Variants in FARS2 observed in about 807,000 individuals in gnomAD.
FARS2 encodes phenylalanine--tRNA ligase, mitochondrial.
A neutral mutation model predicts 46.4 loss-of-function variants in FARS2; 40 were observed. The ratio of observed to expected loss-of-function variants is 0.86; its 90% CI spans 0.67 to 1.12. The LOEUF (loss-of-function observed/expected upper bound fraction) is 1.12. FARS2 is among the 50% of genes most tolerant of loss of function. The probability of loss-of-function intolerance (pLI) is 0.00; values close to 1 mark genes in which losing one functional copy is unlikely to be tolerated. For missense variants in FARS2, 513 were observed against 567.9 expected, an observed-to-expected ratio of 0.90 and a Z score of 0.98; for synonymous variants, 234 against 214.9, an observed-to-expected ratio of 1.09 and a Z score of -0.78.
chr6:5,491,630 T>C (rs1415409416), intron 4 of FARS2, among the ~76,000 whole-genome samples: 1 of 152,214 alleles, frequency 6.6e-6, no homozygotes, highest in Non-Finnish European at 1.5e-5. Context: ...CCGAAAGATA[T>C]GAGCGTTTCT....
chr6:5,438,876 T>G (rs1763683136), intron 4 of FARS2, among the ~76,000 whole-genome samples: 2 of 152,216 alleles, frequency 1.3e-5, no homozygotes, highest in Non-Finnish European at 2.9e-5. Context: ...TGAACCTGCA[T>G]CTGATAGTTC....
chr6:5,328,527 A>G (rs1408596852), intron 1 of FARS2, among the ~76,000 whole-genome samples: 1 of 152,232 alleles, frequency 6.6e-6, no homozygotes, highest in Non-Finnish European at 1.5e-5. Flanking sequence ...CTGAGCTCCC[A>G]TATGATGGGG....
chr6:5,440,745 G>C (rs1320503442), intron 4 of FARS2, among the ~76,000 whole-genome samples: 1 of 151,686 alleles, frequency 6.6e-6, no homozygotes, highest in Non-Finnish European at 1.5e-5. Flanking sequence ...GGCTGGACTT[G>C]AGCTCCTGGC....
At chr6:5,678,093 G>A (rs566741498) in intron 6 of FARS2, among the ~76,000 whole-genome samples, 326 of 152,264 alleles carry the variant, frequency 2.1e-3, no homozygotes, top group Non-Finnish European at 3.6e-3. Flanking sequence ...GGAAGCAGTC[G>A]TAGAAAGGGG....
At chr6:5,596,100 G>A (rs1313303277) in intron 5 of FARS2, among the ~76,000 whole-genome samples, 1 of 152,166 alleles carries the variant, frequency 6.6e-6, no homozygotes, top group African/African-American at 2.4e-5. Flanking sequence ...TTCTGTAGGA[G>A]TCTACTGAAG....
intron 4 of FARS2, among the ~76,000 whole-genome samples, chr6:5,534,532 TTC>T (rs556101399): frequency 6.6e-6 from 1 of 152,214 alleles, no homozygotes; most frequent in Non-Finnish European, 1.5e-5. Flanking sequence ...TTTGCCTGGC[TTC>T]TTTCACTTAG....
chr6:5,430,546 A>G (rs1381084156), intron 3 of FARS2, among the ~76,000 whole-genome samples: 2 of 151,670 alleles, frequency 1.3e-5, no homozygotes, highest in Non-Finnish European at 2.9e-5. Flanking sequence ...CTGACTTTTT[A>G]TTAGCTTTAT....
chr6:5,264,002 A>G (rs925491457), intron 1 of FARS2, among the ~76,000 whole-genome samples: 9 of 152,120 alleles, frequency 5.9e-5, no homozygotes, highest in Non-Finnish European at 1.3e-4. Flanking sequence ...GCTTGAGCCC[A>G]GGAGTTTGAG....
Position 5,300,882 on chromosome 6 carries a change from G to T in FARS2, c.-22+39222G>T, listed in dbSNP as rs190406089. 2.1e-3 allele frequency among the ~76,000 whole-genome samples: 313 copies of T among 151,868 alleles called. 2 individuals are homozygous for T. The highest frequency in any genetic ancestry group is 7.3e-3 in the African/African-American group (302 of 41,404). On this transcript the variant is annotated intron_variant, in intron 1 of 6. Coordinates refer to ENST00000274680, the MANE Select transcript of FARS2 (RefSeq NM_006567.5). ...TTTTTTTTTGTAGAGATGGGGTCTT[G>T]CCATGTTGTAAACATGGGGTCTTGC...
intron 1 of FARS2, among the ~76,000 whole-genome samples, chr6:5,288,116 A>G (rs1401243643): frequency 2.0e-5 from 3 of 152,278 alleles, no homozygotes; most frequent in South Asian, 2.1e-4. Flanking sequence ...CTCGTTGGCA[A>G]CGTCACAGCC....
At chr6:5,669,054 A>G (rs1778308435) in intron 6 of FARS2, among the ~76,000 whole-genome samples, 1 of 152,158 alleles carries the variant, frequency 6.6e-6, no homozygotes, top group South Asian at 2.1e-4. Context: ...ACTTGTAATG[A>G]TGATAATAGT....
At chr6:5,566,528 C>G (rs1312428032) in intron 5 of FARS2, among the ~76,000 whole-genome samples, 1 of 152,054 alleles carries the variant, frequency 6.6e-6, no homozygotes, top group Non-Finnish European at 1.5e-5. Context: ...CTCTGTTTTT[C>G]CCCAGAAGTC....
intron 2 of FARS2, among the ~76,000 whole-genome samples, chr6:5,385,855 C>G (rs964447745): frequency 2.0e-5 from 3 of 152,108 alleles, no homozygotes; most frequent in African/African-American, 7.2e-5. Flanking sequence ...ACAGTTACGG[C>G]CTGTGTCTGT....
At chr6:5,539,422 C>T (rs536372141) in intron 4 of FARS2, among the ~76,000 whole-genome samples, 2 of 105,470 alleles carry the variant, frequency 1.9e-5, no homozygotes, top group Admixed American at 9.8e-5. Flanking sequence ...TTAGTAGAGA[C>T]GGGGTTTCAC....
chr6:5,327,306 A>G (rs1048528033), intron 1 of FARS2, among the ~76,000 whole-genome samples: 2 of 152,232 alleles, frequency 1.3e-5, no homozygotes, highest in Non-Finnish European at 2.9e-5. Context: ...AAGAGTTGAA[A>G]CATCTAGGAA....
chr6:5,381,562 C>T (rs941638777), intron 2 of FARS2, among the ~76,000 whole-genome samples: 1 of 152,158 alleles, frequency 6.6e-6, no homozygotes, highest in Non-Finnish European at 1.5e-5. Context: ...TTCCCAATCT[C>T]AGTCTGTAGT....
chr6:5,533,346 T>TA, intron 4 of FARS2, among the ~76,000 whole-genome samples: 1 of 152,330 alleles, frequency 6.6e-6, no homozygotes, highest in Non-Finnish European at 1.5e-5. Flanking sequence ...CTCTCACAGA[T>TA]ACAAAATTAA....
At chr6:5,252,226 T>C in the FARS2 span, among the ~76,000 whole-genome samples, 3 of 152,186 alleles carry the variant, frequency 2.0e-5, no homozygotes, top group Non-Finnish European at 2.9e-5. Flanking sequence ...ACAGGATGCA[T>C]GGGTGCAGGA....
chr6:5,394,775 T>A (rs73718091), intron 2 of FARS2, among the ~76,000 whole-genome samples: 5,097 of 151,558 alleles, frequency 0.034, 293 homozygotes, highest in African/African-American at 0.12. Context: ...GTGTTTTTTT[T>A]TAAAAAAAAA....
Sources: allele counts gnomAD v4.1 joint callset (sites outside exome capture counted in the v4.1 genomes callset), GRCh38; gene constraint gnomAD v4.1.1; transcripts MANE v1.5; gene names NCBI Gene and HGNC (gene_info 2026-07-23, HGNC 2026-07-21).